The following MAGI2 variants were observed in gnomAD, a reference collection of about 807,000 sequenced individuals.
MAGI2 encodes membrane-associated guanylate kinase, WW and PDZ domain-containing protein 2.
Under a neutral mutation model 133.3 loss-of-function variants are expected in MAGI2, and 35 were observed. That is an observed-to-expected ratio of 0.26 (90% CI 0.20 to 0.35). MAGI2 has a LOEUF of 0.35. Among genes scored for constraint, MAGI2 ranks in the 10% least tolerant of loss-of-function variants. The pLI is 1.00. For missense variants in MAGI2, 1,636 were observed against 1,863.4 expected (o/e 0.88, Z 2.25); for synonymous variants, 729 against 710.6 (o/e 1.03, Z -0.41).
intron 4 of MAGI2, among the ~76,000 whole-genome samples, chr7:78,508,765 G>A (rs1216925076): frequency 6.6e-6 from 1 of 152,134 alleles, no homozygotes; most frequent in East Asian, 1.9e-4. Flanking sequence ...ACCCATGCAT[G>A]TTTTACCTTT....
At chr7:78,971,727 C>T (rs764673513) in intron 2 of MAGI2, among the ~76,000 whole-genome samples, 3 of 151,902 alleles carry the variant, frequency 2.0e-5, no homozygotes, top group Non-Finnish European at 4.4e-5. Context: ...GGATCAAATA[C>T]TGACTTTGCT....
At chr7:79,136,020 A>AGAAAGAAG (rs1394516394) in intron 1 of MAGI2, among the ~76,000 whole-genome samples, 3 of 112,612 alleles carry the variant, frequency 2.7e-5, no homozygotes, top group East Asian at 5.1e-4. Context: ...AAAGAAAGAA[A>AGAAAGAAG]GAAAGAAGGA....
At chr7:79,261,721 A>G (rs1347845883) in intron 1 of MAGI2, among the ~76,000 whole-genome samples, 1 of 152,196 alleles carries the variant, frequency 6.6e-6, no homozygotes, top group Non-Finnish European at 1.5e-5. Flanking sequence ...TTTCCAAGGT[A>G]AAGCTAAAAT....
chr7:79,192,113 T>G (rs1052695529), intron 1 of MAGI2, among the ~76,000 whole-genome samples: 4 of 151,834 alleles, frequency 2.6e-5, no homozygotes, highest in African/African-American at 9.7e-5. Context: ...CCACTTAAAT[T>G]TGTAACCCCT....
At chr7:78,621,891 TA>T (rs1428681049) in intron 3 of MAGI2, among the ~76,000 whole-genome samples, 3 of 152,000 alleles carry the variant, frequency 2.0e-5, no homozygotes, top group Admixed American at 2.0e-4. Context: ...GGCACACATA[TA>T]AAAATAAAAG....
At chr7:78,023,965 G>A (rs1417041683) in intron 21 of MAGI2, among the ~76,000 whole-genome samples, 1 of 152,168 alleles carries the variant, frequency 6.6e-6, no homozygotes, top group Non-Finnish European at 1.5e-5. Flanking sequence ...AAAGTATTTG[G>A]GAGGATGTAT....
Position 79,146,400 on chromosome 7 carries a change from T to C in MAGI2, c.302-139194A>G, listed in dbSNP as rs111821842. Among the ~76,000 whole-genome samples the C allele has an allele frequency of 3.9e-3, 588 of 152,312 alleles. 1 individual carries two copies. The highest frequency in any genetic ancestry group is 7.0e-3 in the Admixed American group (107 of 15,292). ...CCTCTTATGATCTGGACATTTTTGG[T>C]TTCCTACTGCCTATCCTGTGTCCTT... On this transcript the variant is annotated intron_variant, in intron 1 of 21. Coordinates refer to ENST00000354212, the MANE Select transcript of MAGI2 (RefSeq NM_012301.4).
intron 1 of MAGI2, among the ~76,000 whole-genome samples, chr7:79,363,201 C>A (rs975086601): frequency 4.7e-5 from 7 of 149,468 alleles, no homozygotes; most frequent in Non-Finnish European, 8.9e-5. Context: ...TCAATCACTT[C>A]GAATAAAATG....
At chr7:79,146,763 T>C (rs534096801) in intron 1 of MAGI2, among the ~76,000 whole-genome samples, 48 of 152,354 alleles carry the variant, frequency 3.2e-4, no homozygotes, top group African/African-American at 1.1e-3. Context: ...TAAACCTATT[T>C]CCTTTTTAAA....
intron 2 of MAGI2, among the ~76,000 whole-genome samples, chr7:78,894,079 A>C (rs989293188): frequency 5.9e-5 from 9 of 152,222 alleles, no homozygotes; most frequent in African/African-American, 1.9e-4. Flanking sequence ...AAGTTGTAGG[A>C]AAAGAAAGTA....
chr7:79,161,483 C>T (rs938841590), intron 1 of MAGI2, among the ~76,000 whole-genome samples: 1 of 152,018 alleles, frequency 6.6e-6, no homozygotes, highest in Non-Finnish European at 1.5e-5. Flanking sequence ...TCCGAAGCTA[C>T]CCCTATGCTA....
chr7:78,055,884 G>T (rs976007106), intron 21 of MAGI2, among the ~76,000 whole-genome samples: 1 of 152,166 alleles, frequency 6.6e-6, no homozygotes, highest in African/African-American at 2.4e-5. Context: ...ATCCTCTGAA[G>T]TAACCTCCGC....
chr7:78,500,913 C>T (rs1342836924), intron 5 of MAGI2, among the ~76,000 whole-genome samples: 1 of 152,250 alleles, frequency 6.6e-6, no homozygotes, highest in East Asian at 1.9e-4. Flanking sequence ...CAAGGCAAAG[C>T]CCCACCTCTA....
At chr7:78,349,799 A>C (rs531898771) in intron 7 of MAGI2, among the ~76,000 whole-genome samples, 1 of 152,352 alleles carries the variant, frequency 6.6e-6, no homozygotes, top group East Asian at 1.9e-4. Context: ...TTGTAGCTGA[A>C]TAGAAACTTG....
intron 2 of MAGI2, among the ~76,000 whole-genome samples, chr7:78,854,828 T>C (rs1793484089): frequency 6.6e-6 from 1 of 151,378 alleles, no homozygotes; most frequent in African/African-American, 2.4e-5. Flanking sequence ...CAACAAGCTT[T>C]GGTCAACATT....
At chr7:78,361,416 C>A (rs1283019210) in intron 7 of MAGI2, among the ~76,000 whole-genome samples, 7 of 149,312 alleles carry the variant, frequency 4.7e-5, no homozygotes, top group Non-Finnish European at 7.4e-5. Context: ...AGCTTGAAGA[C>A]AAATACAACC....
intron 2 of MAGI2, among the ~76,000 whole-genome samples, chr7:78,694,064 C>T (rs574272579): frequency 5.3e-5 from 8 of 152,216 alleles, no homozygotes; most frequent in Non-Finnish European, 1.0e-4. Flanking sequence ...ATAGAAGCTG[C>T]GTGACCATTG....
intron 1 of MAGI2, among the ~76,000 whole-genome samples, chr7:79,347,787 C>T (rs1456394146): frequency 6.6e-6 from 1 of 151,900 alleles, no homozygotes; most frequent in Non-Finnish European, 1.5e-5. Context: ...AACTTAAGTA[C>T]ATTATTATTT....
chr7:78,129,796 G>A (rs1021584471), intron 18 of MAGI2, among the ~76,000 whole-genome samples: 13 of 152,138 alleles, frequency 8.5e-5, no homozygotes, highest in African/African-American at 2.6e-4. Context: ...TTAGCCGGGC[G>A]TGGTGGCACA....
Sources: gnomAD v4.1 joint callset for allele counts (sites outside exome capture counted in the v4.1 genomes callset) on GRCh38, gnomAD v4.1.1 for gene constraint, MANE v1.5 for transcripts, NCBI Gene and HGNC (gene_info 2026-07-23, HGNC 2026-07-21) for gene names.